ZNF763: variants seen among roughly 807,000 people sequenced by gnomAD.
The protein encoded by ZNF763 is DNA-binding protein.
In ZNF763, 33 loss-of-function variants were observed where a neutral mutation model predicts 38.0. That is an observed-to-expected ratio of 0.87 (90% CI 0.66 to 1.16). ZNF763 has a LOEUF of 1.16. Among genes scored for constraint, ZNF763 ranks in the 50% most tolerant of loss-of-function variants. The probability of loss-of-function intolerance (pLI) is 0.00; values close to 1 mark genes in which losing one functional copy is unlikely to be tolerated. For missense variants in ZNF763, 423 were observed against 469.1 expected (o/e 0.90, Z 0.91); for synonymous variants, 155 against 160.1 (o/e 0.97, Z 0.24).
At chr19:11,969,823 T>A (rs533773191) in intron 1 of ZNF763, among the ~76,000 whole-genome samples, 1 of 152,334 alleles carries the variant, frequency 6.6e-6, no homozygotes, top group Non-Finnish European at 1.5e-5. Context: ...CCTCCTTTTA[T>A]CTTTCCTAGA....
intron 1 of ZNF763, among the ~76,000 whole-genome samples, chr19:11,974,073 C>CT (rs1555704399): frequency 3.5e-4 from 22 of 62,054 alleles, no homozygotes; most frequent in African/African-American, 7.1e-4. Flanking sequence ...TCTTTCTTTT[C>CT]TTTCTTTCTT....
chr19:11,974,061 CTTCT>C (rs1973406316), intron 1 of ZNF763, among the ~76,000 whole-genome samples: 1 of 144,208 alleles, frequency 6.9e-6, no homozygotes, highest in Non-Finnish European at 1.5e-5. Flanking sequence ...TCTTTCTTTC[CTTCT>C]TTCTTTTCTT....
intron 3 of ZNF763, 105 bp from the exon 4 acceptor site, chr19:11,978,011 A>G (rs749118065): frequency 1.4e-4 from 197 of 1,386,508 alleles, no homozygotes; most frequent in Non-Finnish European, 1.8e-4. Flanking sequence ...CAGCCAGGGC[A>G]GAAAGCCTAC....
chr19:11,970,576 C>A (rs1973330603), intron 1 of ZNF763, among the ~76,000 whole-genome samples: 1 of 152,190 alleles, frequency 6.6e-6, no homozygotes, highest in Non-Finnish European at 1.5e-5. Context: ...TTTGTCCCTG[C>A]TTTTTCTGTT....
intron 1 of ZNF763, among the ~76,000 whole-genome samples, chr19:11,967,495 C>T (rs1209771195): frequency 6.6e-6 from 1 of 152,058 alleles, no homozygotes; most frequent in African/African-American, 2.4e-5. Flanking sequence ...AGCTCCACCT[C>T]CCGGGTTCAC....
chr19:11,967,682 C>T (rs888509837), intron 1 of ZNF763, among the ~76,000 whole-genome samples: 4 of 151,922 alleles, frequency 2.6e-5, no homozygotes, highest in Non-Finnish European at 4.4e-5. Flanking sequence ...GGATTACAGG[C>T]GTGAGCCACC....
At chr19:11,977,203 A>C (rs376050857) in intron 2 of ZNF763, 39 bp downstream of exon 2, 26 of 1,611,434 alleles carry the variant, frequency 1.6e-5, no homozygotes, top group Middle Eastern at 3.3e-4. Flanking sequence ...TCCATTAGTG[A>C]ACCAGTGTTT....
rs1053883432 is a variant in ZNF763 at position 11,980,307 on chromosome 19, G to A, written c.*1198G>A. On this transcript the variant is annotated 3_prime_UTR_variant, in exon 4 of 4. Transcript: ENST00000358987. ...GGCACAGGAGAATCGCTTGAATCTG[G>A]GGGGCAGAGGTTGCAGTGAGCCAAG... is the stretch of plus-strand genomic sequence containing the variant. The A allele has an allele frequency of 4.7e-5, 12 of 257,422 alleles. No individual in the cohort carries two copies. The highest frequency in any genetic ancestry group is 9.0e-5 in the Non-Finnish European group (12 of 134,054). The allele number at this position is 257,422 out of a possible 1,614,324, so 15.9% of individuals were successfully genotyped here.
At chr19:11,965,767 A>G (rs1973214399) in intron 1 of ZNF763, among the ~76,000 whole-genome samples, 1 of 152,246 alleles carries the variant, frequency 6.6e-6, no homozygotes, top group Admixed American at 6.5e-5. Context: ...GGCAAGGGAA[A>G]CACAACCCCA....
chr19:11,977,430 A>G lies in ZNF763; in HGVS notation c.190A>G (p.Arg64Gly). The change falls in exon 3 of 4, where the codon AGG becomes GGG. Residue 64 changes from arginine to glycine, a missense_variant and splice_region_variant. Physicochemically the swap from Arg to Gly is moderately radical, Grantham distance 125 (BLOSUM62 -2). Transcript: ENST00000358987. Reference protein sequence around the residue: ...YEYQNPRRNFRSLIEGNVNEI... With the variant: ...YEYQNPRRNFGSLIEGNVNEI... ...GTACCAAAACCCCAGGAGAAACTTC[A>G]GGTAATTGGCACTTAAAGAGAAAGC... 6.2e-7 allele frequency: 1 copy of G among 1,613,970 alleles called. No individual in the cohort carries two copies.
At chr19:11,970,716 A>G (rs1973333443) in intron 1 of ZNF763, among the ~76,000 whole-genome samples, 1 of 152,090 alleles carries the variant, frequency 6.6e-6, no homozygotes, top group Admixed American at 6.5e-5. Flanking sequence ...CAGATCACCT[A>G]AGGTCAGGAG....
At chr19:11,975,670 C>T (rs1418465150) in intron 1 of ZNF763, among the ~76,000 whole-genome samples, 3 of 44 alleles carry the variant, frequency 0.068, no homozygotes, top group Non-Finnish European at 0.12. Flanking sequence ...GCGTGAGCCA[C>T]CGCACCCCGG....
intron 1 of ZNF763, among the ~76,000 whole-genome samples, chr19:11,966,105 G>A (rs1446236147): frequency 6.6e-6 from 1 of 152,144 alleles, no homozygotes; most frequent in Non-Finnish European, 1.5e-5. Context: ...GAATTCCAAG[G>A]CATGACTTAC....
intron 1 of ZNF763, among the ~76,000 whole-genome samples, chr19:11,975,737 C>G (rs928916562): frequency 6.6e-6 from 1 of 152,152 alleles, no homozygotes; most frequent in African/African-American, 2.4e-5. Context: ...TGTATGCTTA[C>G]TACATTTTGT....
intron 1 of ZNF763, among the ~76,000 whole-genome samples, chr19:11,970,784 A>G (rs1973334547): frequency 1.3e-5 from 2 of 152,208 alleles, no homozygotes; most frequent in Admixed American, 1.3e-4. Context: ...ATACAGCATT[A>G]GCTGAGCATG....
chr19:11,969,004 A>G (rs1016635963), intron 1 of ZNF763, among the ~76,000 whole-genome samples: 2 of 152,240 alleles, frequency 1.3e-5, no homozygotes, highest in African/African-American at 4.8e-5. Context: ...CCAGCTAGCT[A>G]GGTGAAAGTT....
At position 11,974,163 on chromosome 19, in the gene ZNF763, C is replaced by T. The variant is rs528522222; in HGVS notation, c.4-2875C>T. ...CTTTCTTTCTTTCTTTCTTTCCTTC[C>T]TTCCTTCCTTCCTTCTTTCTTTCTT... On this transcript the variant is annotated intron_variant, in intron 1 of 3. Transcript: ENST00000358987. Among the ~76,000 whole-genome samples, 67 of 90,468 alleles carry T rather than the reference C, an allele frequency of 7.4e-4. 1 individual carries two copies. The highest frequency in any genetic ancestry group is 2.6e-3 in the African/African-American group (50 of 19,106). 59.4% of individuals were successfully genotyped at this position (90,468 alleles called of 152,430 possible).
Position 11,977,484 on chromosome 19 carries a change from T to G in ZNF763, c.191+53T>G. On this transcript the variant is annotated intron_variant, in intron 3 of 3. Coordinates refer to ENST00000358987, the MANE Select transcript of ZNF763 (RefSeq NM_001367172.2). The stretch of plus-strand genomic sequence containing the variant: ...GTCTCTAGATGATTTTAGTATATGA[T>G]AATATGTTGAAGAGAAGTAAAACAA... 4 of 1,586,332 alleles carry G rather than the reference T, an allele frequency of 2.5e-6. No individual in the cohort carries two copies. The East Asian group carries it at 6.7e-5, about 27-fold the overall frequency.
chr19:11,969,753 C>A (rs1973311569), intron 1 of ZNF763, among the ~76,000 whole-genome samples: 2 of 152,326 alleles, frequency 1.3e-5, no homozygotes, highest in Admixed American at 6.5e-5. Flanking sequence ...GAACATTTCA[C>A]ATGAGAGGAA....
Sources: allele counts gnomAD v4.1 joint callset (sites outside exome capture counted in the v4.1 genomes callset), GRCh38; gene constraint gnomAD v4.1.1; transcripts MANE v1.5; gene names NCBI Gene and HGNC (gene_info 2026-07-23, HGNC 2026-07-21).